Variants in DCDC1 observed in about 807,000 individuals in gnomAD.
The protein encoded by DCDC1 is doublecortin domain-containing protein 1.
In DCDC1, 200 loss-of-function variants were observed where a neutral mutation model predicts 178.3. That is an observed-to-expected ratio of 1.12 (90% CI 1.00 to 1.26). The LOEUF (loss-of-function observed/expected upper bound fraction) is 1.26. Among genes scored for constraint, DCDC1 ranks in the 50% most tolerant of loss-of-function variants. The pLI is 0.00. For missense variants in DCDC1, 1,983 were observed against 1,749.2 expected, an observed-to-expected ratio of 1.13 and a Z score of -2.38; for synonymous variants, 690 against 604.8, an observed-to-expected ratio of 1.14 and a Z score of -2.07.
intron 20 of DCDC1, among the ~76,000 whole-genome samples, chr11:31,028,651 C>T (rs1332113907): frequency 6.6e-6 from 1 of 151,960 alleles, no homozygotes; most frequent in Non-Finnish European, 1.5e-5. Flanking sequence ...CAAAGTCACA[C>T]TGTGATAAAC....
chr11:31,277,171 T>G (rs1200903764), intron 7 of DCDC1, among the ~76,000 whole-genome samples: 4 of 152,088 alleles, frequency 2.6e-5, no homozygotes, highest in Non-Finnish European at 4.4e-5. Flanking sequence ...AATAATCTGG[T>G]TTTTTTCACT....
intron 16 of DCDC1, among the ~76,000 whole-genome samples, chr11:31,092,911 T>A (rs907113182): frequency 2.0e-5 from 3 of 152,204 alleles, no homozygotes; most frequent in Non-Finnish European, 4.4e-5. Flanking sequence ...ATGAAAGTTC[T>A]GAAGTCAAAG....
intron 20 of DCDC1, among the ~76,000 whole-genome samples, chr11:31,019,937 C>T (rs985669622): frequency 6.6e-6 from 1 of 152,074 alleles, no homozygotes; most frequent in Non-Finnish European, 1.5e-5. Context: ...CTCACCTTCT[C>T]GGAGAGAAAA....
chr11:30,888,988 G>C (rs1943550372), intron 36 of DCDC1, among the ~76,000 whole-genome samples: 1 of 152,178 alleles, frequency 6.6e-6, no homozygotes, highest in African/African-American at 2.4e-5. Flanking sequence ...GTGGGCGTGA[G>C]GTACTTGCCT....
At chr11:31,180,861 C>G (rs967289946) in intron 9 of DCDC1, among the ~76,000 whole-genome samples, 2 of 151,632 alleles carry the variant, frequency 1.3e-5, no homozygotes, top group Non-Finnish European at 2.9e-5. Flanking sequence ...ACCAGTGAGA[C>G]AGAACTGTTC....
chr11:30,930,926 T>C (rs895030500), intron 22 of DCDC1, among the ~76,000 whole-genome samples: 2 of 152,140 alleles, frequency 1.3e-5, no homozygotes, highest in Non-Finnish European at 2.9e-5. Flanking sequence ...TTATCATCTT[T>C]ACAGGCAGTT....
intron 1 of DCDC1, among the ~76,000 whole-genome samples, chr11:31,366,524 T>C (rs973978471): frequency 3.3e-5 from 5 of 152,176 alleles, no homozygotes; most frequent in Non-Finnish European, 7.4e-5. Context: ...CAGGCCATCA[T>C]AAAAGGCTTG....
Position 31,187,338 on chromosome 11 carries a change from G to A in DCDC1, c.1222-49554C>T, listed in dbSNP as rs1206146554. ...ATCTTGTTGACTGCTATGTTGCCAA[G>A]GCCTAGCATAATACCTAGCATACAG... On this transcript the variant is annotated intron_variant, in intron 9 of 38. Coordinates refer to ENST00000684477, the MANE Select transcript of DCDC1 (RefSeq NM_001387274.1). Among the ~76,000 whole-genome samples, 4 of 152,116 alleles carry A rather than the reference G, an allele frequency of 2.6e-5. No individual in the cohort carries two copies. In the East Asian group the frequency reaches 7.7e-4, roughly 29 times the overall value.
intron 9 of DCDC1, among the ~76,000 whole-genome samples, chr11:31,229,694 T>A (rs778575014): frequency 9.2e-5 from 14 of 152,068 alleles, no homozygotes; most frequent in Non-Finnish European, 1.8e-4. Context: ...GGCATTTATA[T>A]CTAGAATGAA....
chr11:31,142,497 T>C (rs1429705423), intron 9 of DCDC1, among the ~76,000 whole-genome samples: 1 of 152,094 alleles, frequency 6.6e-6, no homozygotes, highest in Non-Finnish European at 1.5e-5. Flanking sequence ...TATGTGTGTG[T>C]GTGTGTGTGT....
At position 31,146,073 on chromosome 11, in the gene DCDC1, C is replaced by CTT. The variant is rs35032604; in HGVS notation, c.1222-8291_1222-8290dup. Among the ~76,000 whole-genome samples, 282 of 136,798 alleles carry CTT rather than the reference C, an allele frequency of 2.1e-3. 2 individuals carry two copies. The highest frequency in any genetic ancestry group is 9.6e-3 in the South Asian group (40 of 4,162). 89.7% of individuals were successfully genotyped at this position (136,798 alleles called of 152,430 possible). A position where few individuals can be genotyped will look rare whatever the true frequency, so the allele number is the denominator to read the frequency against. ...AGTTTAAAGCTTAGTTTAATCCAGT[C>CTT]TTTTTTTTTTTTTTTTTGAGAAGGA... On this transcript the variant is annotated intron_variant, in intron 9 of 38. Coordinates refer to ENST00000684477, the MANE Select transcript of DCDC1 (RefSeq NM_001387274.1).
At chr11:31,133,638 G>A (rs935842292) in intron 10 of DCDC1, among the ~76,000 whole-genome samples, 1 of 152,166 alleles carries the variant, frequency 6.6e-6, no homozygotes, top group East Asian at 1.9e-4. Flanking sequence ...CAGGAAATCT[G>A]AAGTGCGTAG....
At chr11:31,296,074 T>TAGTCAGTC (rs764374813) in intron 6 of DCDC1, among the ~76,000 whole-genome samples, 1 of 152,060 alleles carries the variant, frequency 6.6e-6, no homozygotes, top group Non-Finnish European at 1.5e-5. Flanking sequence ...AGTTTTCTCC[T>TAGTCAGTC]AGTCAGTCAG....
At chr11:31,198,216 A>G (rs543265492) in intron 9 of DCDC1, among the ~76,000 whole-genome samples, 44 of 152,064 alleles carry the variant, frequency 2.9e-4, no homozygotes, top group African/African-American at 9.2e-4. Context: ...GTAATCATTC[A>G]CCCTACCACT....
intron 11 of DCDC1, among the ~76,000 whole-genome samples, chr11:31,110,929 G>A (rs1400004633): frequency 4.6e-5 from 7 of 152,018 alleles, no homozygotes; most frequent in African/African-American, 1.7e-4. Flanking sequence ...AAAAGTTGTT[G>A]AGAACAGAGA....
In DCDC1 at chr11:31,094,134, A is replaced by G. The variant is rs1410576310; in HGVS notation, c.2034T>C (p.Ser678=). 3.9e-6 allele frequency: 3 copies of G among 765,870 alleles called. No homozygotes were observed. The highest frequency in any genetic ancestry group is 3.4e-5 in the African/African-American group (2 of 59,004). 47.4% of individuals were successfully genotyped at this position (765,870 alleles called of 1,614,324 possible). Residue 678 remains serine, a synonymous_variant, in exon 16 of 39, where the codon AGT becomes AGC. Coordinates refer to ENST00000684477, the MANE Select transcript of DCDC1 (RefSeq NM_001387274.1). ...TGCTGCTTGCTTCACTGCCTGAGAA[A>G]CTCCACTTTCCAATGGAAACAGAGG... ...LHASVSIGKW[S]FSGSEASSRS... is the part of the protein sequence containing the mutation.
intron 21 of DCDC1, chr11:30,943,789 A>G (rs1356660845): frequency 3.0e-6 from 1 of 328,042 alleles, no homozygotes; most frequent in African/African-American, 2.2e-5. Flanking sequence ...GTTCATAAAA[A>G]TATTATCAAT....
chr11:31,098,546 T>G (rs1460278203), intron 15 of DCDC1, among the ~76,000 whole-genome samples: 1 of 152,212 alleles, frequency 6.6e-6, no homozygotes, highest in Non-Finnish European at 1.5e-5. Flanking sequence ...CACTGATATC[T>G]CTATCTCAAG....
At chr11:30,867,289 G>T (rs1010872083) in intron 38 of DCDC1, among the ~76,000 whole-genome samples, 3 of 152,166 alleles carry the variant, frequency 2.0e-5, no homozygotes, top group African/African-American at 7.2e-5. Context: ...GGCAGATTTG[G>T]GTATAAATCC....
Sources: gnomAD v4.1 joint callset for allele counts (sites outside exome capture counted in the v4.1 genomes callset) on GRCh38, gnomAD v4.1.1 for gene constraint, MANE v1.5 for transcripts, NCBI Gene and HGNC (gene_info 2026-07-23, HGNC 2026-07-21) for gene names.